Variants in ZEB1 observed in about 807,000 individuals in gnomAD.
ZEB1 encodes zinc finger E-box-binding homeobox 1.
In ZEB1, 21 loss-of-function variants were observed where a neutral mutation model predicts 84.9. The ratio of observed to expected loss-of-function variants is 0.25; its 90% CI spans 0.18 to 0.36. The LOEUF (loss-of-function observed/expected upper bound fraction) is 0.36. ZEB1 is among the 10% of genes least tolerant of loss of function. ZEB1 has a pLI of 1.00. For synonymous variants in ZEB1, 420 were observed against 471.1 expected, an observed-to-expected ratio of 0.89 and a Z score of 1.41; for missense variants, 1,104 against 1,330.2, an observed-to-expected ratio of 0.83 and a Z score of 2.65.
At chr10:31,505,117 T>C (rs1033091621) in intron 4 of ZEB1, among the ~76,000 whole-genome samples, 6 of 152,150 alleles carry the variant, frequency 3.9e-5, no homozygotes, top group African/African-American at 1.4e-4. Flanking sequence ...GAACCATCTT[T>C]GCATCCCTGG....
chr10:31,416,075 T>G (rs1312476452), intron 1 of ZEB1, among the ~76,000 whole-genome samples: 1 of 152,080 alleles, frequency 6.6e-6, no homozygotes, highest in Non-Finnish European at 1.5e-5. Flanking sequence ...TTTTCTCAGT[T>G]ACAGTTTTGC....
intron 1 of ZEB1, among the ~76,000 whole-genome samples, chr10:31,396,564 G>T (rs2050762508): frequency 1.3e-5 from 2 of 152,170 alleles, no homozygotes; most frequent in Admixed American, 6.5e-5. Context: ...GCATATATTG[G>T]CAGAGTGAGA....
At chr10:31,407,558 G>A (rs1416538435) in intron 1 of ZEB1, among the ~76,000 whole-genome samples, 11 of 152,022 alleles carry the variant, frequency 7.2e-5, no homozygotes, top group South Asian at 2.1e-4. Flanking sequence ...ATAAACATAC[G>A]TGTGCATGTG....
chr10:31,482,097 A>G (rs1257635654), intron 2 of ZEB1, among the ~76,000 whole-genome samples: 2 of 152,100 alleles, frequency 1.3e-5, no homozygotes, highest in Non-Finnish European at 2.9e-5. Context: ...GGAAAAATAA[A>G]CCTGGCAGGC....
At position 31,363,755 on chromosome 10, in the gene ZEB1, G is replaced by A. The variant is rs957868904; in HGVS notation, c.58+44463G>A. 5.7e-6 allele frequency: 7 copies of A among 1,233,774 alleles called. 1 individual carries two copies. The highest frequency in any genetic ancestry group is 4.5e-5 in the African/African-American group (3 of 66,912). The allele number at this position is 1,233,774 out of a possible 1,614,324, so 76.4% of individuals were successfully genotyped here. A position where few individuals can be genotyped will look rare whatever the true frequency, so the allele number is the denominator to read the frequency against. ...AGCACGGGTTTCTTCCTTGAGGGGG[G>A]GCTCCAGACCACAGGACGCAGGACC... On this transcript the variant is annotated intron_variant, in intron 1 of 8. Coordinates refer to ENST00000424869, the MANE Select transcript of ZEB1 (RefSeq NM_001174096.2).
At chr10:31,377,268 G>T (rs1036541039) in intron 1 of ZEB1, among the ~76,000 whole-genome samples, 1 of 151,484 alleles carries the variant, frequency 6.6e-6, no homozygotes, top group Non-Finnish European at 1.5e-5. Context: ...TAGCCTAAAA[G>T]AATTATGCTA....
At chr10:31,375,264 A>T (rs1282153859) in intron 1 of ZEB1, among the ~76,000 whole-genome samples, 1 of 151,820 alleles carries the variant, frequency 6.6e-6, no homozygotes. Context: ...CAACTTAGAG[A>T]TCCAGGCAGT....
At chr10:31,427,573 C>T (rs760019343) in intron 1 of ZEB1, among the ~76,000 whole-genome samples, 2 of 152,080 alleles carry the variant, frequency 1.3e-5, no homozygotes, top group African/African-American at 2.4e-5. Flanking sequence ...TGAATCTTGG[C>T]CAGGCGCGGT....
chr10:31,388,714 T>A (rs1047502161), intron 1 of ZEB1, among the ~76,000 whole-genome samples: 1 of 152,056 alleles, frequency 6.6e-6, no homozygotes, highest in Non-Finnish European at 1.5e-5. Flanking sequence ...AGAGATAATC[T>A]ATATATACGT....
intron 1 of ZEB1, among the ~76,000 whole-genome samples, chr10:31,399,745 C>G (rs1341197742): frequency 6.6e-6 from 1 of 152,128 alleles, no homozygotes; most frequent in African/African-American, 2.4e-5. Context: ...TTCATCTCAA[C>G]CAGAATAAAA....
intron 1 of ZEB1, chr10:31,358,249 C>T (rs893285025): frequency 6.6e-6 from 1 of 152,180 alleles, no homozygotes; most frequent in Non-Finnish European, 1.5e-5. Context: ...TGGATAGGCT[C>T]TCAGCATGGT....
At chr10:31,414,716 T>G (rs963794258) in intron 1 of ZEB1, among the ~76,000 whole-genome samples, 7 of 152,220 alleles carry the variant, frequency 4.6e-5, no homozygotes, top group Non-Finnish European at 1.0e-4. Context: ...TATCCTGTTC[T>G]GTGTAGCATC....
intron 1 of ZEB1, among the ~76,000 whole-genome samples, chr10:31,444,813 G>A (rs1470875852): frequency 6.6e-6 from 1 of 150,992 alleles, no homozygotes; most frequent in Non-Finnish European, 1.5e-5. Flanking sequence ...TTTGGTTACT[G>A]TAGCCTTGTA....
intron 1 of ZEB1, among the ~76,000 whole-genome samples, chr10:31,323,429 T>A (rs961830959): frequency 2.6e-5 from 4 of 152,110 alleles, no homozygotes; most frequent in Non-Finnish European, 5.9e-5. Context: ...GGCAGAGAGC[T>A]ACTAACGGAG....
chr10:31,360,155 C>T (rs924871199), intron 1 of ZEB1, among the ~76,000 whole-genome samples: 2 of 152,124 alleles, frequency 1.3e-5, no homozygotes, highest in Non-Finnish European at 2.9e-5. Flanking sequence ...TTCACTAAGT[C>T]CTGCCCTGTG....
intron 1 of ZEB1, among the ~76,000 whole-genome samples, chr10:31,419,296 G>A (rs1218646195): frequency 6.6e-6 from 1 of 152,158 alleles, no homozygotes; most frequent in Admixed American, 6.5e-5. Context: ...GATAAGGTTT[G>A]TGGCAGCAGT....
At chr10:31,481,196 C>A (rs1271169204) in intron 2 of ZEB1, among the ~76,000 whole-genome samples, 1 of 152,000 alleles carries the variant, frequency 6.6e-6, no homozygotes, top group Non-Finnish European at 1.5e-5. Flanking sequence ...GTGTTCAGGG[C>A]TATGGTGTTC....
intron 1 of ZEB1, among the ~76,000 whole-genome samples, chr10:31,368,016 A>G (rs60025512): frequency 6.6e-5 from 10 of 152,082 alleles, no homozygotes; most frequent in African/African-American, 2.2e-4. Flanking sequence ...TATTTACTCT[A>G]TATGGATGTG....
intron 8 of ZEB1, 148 bp from the exon 9 acceptor site, chr10:31,526,524 A>G: frequency 2.0e-6 from 2 of 998,428 alleles, no homozygotes; most frequent in Non-Finnish European, 2.9e-6. Context: ...TTGCAATATT[A>G]TATTACAAAG....
Sources: gnomAD v4.1 joint callset for allele counts (sites outside exome capture counted in the v4.1 genomes callset) on GRCh38, gnomAD v4.1.1 for gene constraint, MANE v1.5 for transcripts, NCBI Gene and HGNC (gene_info 2026-07-23, HGNC 2026-07-21) for gene names.